The following TOR1B variants were observed in gnomAD, a reference collection of about 807,000 sequenced individuals.
The protein encoded by TOR1B is torsin-1B.
A neutral mutation model predicts 29.2 loss-of-function variants in TOR1B; 14 were observed. The observed-to-expected ratio is 0.48, with a 90% confidence interval of 0.32 to 0.75. The LOEUF (loss-of-function observed/expected upper bound fraction) is 0.75. Ranked by LOEUF, TOR1B falls within the 30% of genes least tolerant of loss-of-function variation. The pLI is 0.04. For synonymous variants in TOR1B, 166 were observed against 179.8 expected, an observed-to-expected ratio of 0.92 and a Z score of 0.62; for missense variants, 400 against 433.9, an observed-to-expected ratio of 0.92 and a Z score of 0.69.
chr9:129,804,377 G>T (rs774255451), intron 2 of TOR1B, 39 bp downstream of exon 2: 1 of 1,599,738 alleles, frequency 6.3e-7, no homozygotes, highest in East Asian at 2.2e-5. Context: ...CAGGCCAGTC[G>T]GACTGGTCCG....
rs1208291853 is a variant in TOR1B at position 129,809,738 on chromosome 9, C to T, written c.*155C>T. 1.3e-5 allele frequency: 18 copies of T among 1,436,120 alleles called. No homozygotes were observed. Among genetic ancestry groups the T allele is most frequent in the East Asian group, 2.5e-5 (1 of 39,730 alleles). The allele number at this position is 1,436,120 out of a possible 1,614,324, so 89.0% of individuals were successfully genotyped here. On this transcript the variant is annotated 3_prime_UTR_variant, in exon 5 of 5. Transcript: ENST00000259339. ...TTTTTTTTGAGAAGAGGTCTCACTC[C>T]GTCATCCAAGCTGGAGTGCAGTGGT...
chr9:129,810,113 C>A lies in TOR1B; in HGVS notation c.*530C>A. ...AAGCTACGGTCACAACTAAAGGAGT[C>A]CAGGGACTTGCTGCAGGCTGGGGGG... On this transcript the variant is annotated 3_prime_UTR_variant, in exon 5 of 5. Transcript: ENST00000259339. 8 of 1,295,750 alleles carry A rather than the reference C, an allele frequency of 6.2e-6. No homozygotes were observed. Among genetic ancestry groups the A allele is most frequent in the Non-Finnish European group, 8.1e-6 (8 of 983,022 alleles). 80.3% of individuals were successfully genotyped at this position (1,295,750 alleles called of 1,614,324 possible).
chr9:129,810,749 A>G lies in TOR1B; in HGVS notation c.*1166A>G, dbSNP rs979434602. Reference sequence around the variant, plus strand: ...CTTGATGATCTTAAATGATGGAAGTATAGGACGTTGCTTATTTTAAAACAA... The same window carrying G: ...CTTGATGATCTTAAATGATGGAAGTGTAGGACGTTGCTTATTTTAAAACAA... On this transcript the variant is annotated 3_prime_UTR_variant, in exon 5 of 5. Transcript: ENST00000259339. 1 of 154,254 alleles carries G rather than the reference A, an allele frequency of 6.5e-6. No homozygotes were observed. The highest frequency in any genetic ancestry group is 6.4e-5 in the Admixed American group (1 of 15,626). The allele number at this position is 154,254 out of a possible 1,614,324, so 9.6% of individuals were successfully genotyped here. A position where few individuals can be genotyped will look rare whatever the true frequency, so the allele number is the denominator to read the frequency against.
Position 129,803,237 on chromosome 9 carries a change from G to C in TOR1B, c.25G>C (p.Gly9Arg), listed in dbSNP as rs774779742. The C allele has an allele frequency of 6.5e-7, 1 of 1,538,854 alleles. No homozygotes were observed. The highest frequency in any genetic ancestry group is 8.7e-7 in the Non-Finnish European group (1 of 1,150,266). The change falls in exon 1 of 5, where the codon GGC becomes CGC. Residue 9 changes from glycine to arginine, a missense_variant. Coordinates refer to ENST00000259339, the MANE Select transcript of TOR1B (RefSeq NM_014506.3). MLRAGWLR[G>R]AAALALLLAA... ...GATGTTGCGGGCTGGGTGGCTCCGG[G>C]GCGCGGCGGCGCTGGCGCTGCTGCT...
At chr9:129,808,836 G>A (rs995459636) in intron 3 of TOR1B, 69 bp from the exon 4 acceptor site, 1 of 1,590,842 alleles carries the variant, frequency 6.3e-7, no homozygotes, top group Non-Finnish European at 8.6e-7. Context: ...ACAGGCATGA[G>A]CCACCACACC....
rs747153950 is a variant in TOR1B, at chr9:129,809,488, A to G, written c.916A>G (p.Arg306Gly). Residue 306 changes from arginine to glycine, a missense_variant, in exon 5 of 5, where the codon AGA becomes GGA. By Grantham distance (125) the Arg-to-Gly change is moderately radical (BLOSUM62 -2). Transcript: ENST00000259339. ...GSAIDEDIVT[R>G]VAEEMTFFPR... ...TGCCATAGATGAAGACATTGTCACA[A>G]GAGTGGCAGAGGAAATGACGTTTTT... The G allele has an allele frequency of 1.9e-6, 3 of 1,614,102 alleles. No homozygotes were observed. Among genetic ancestry groups the G allele is most frequent in the East Asian group, 4.5e-5 (2 of 44,902 alleles).
chr9:129,807,215 A>C lies in TOR1B; in HGVS notation c.493A>C (p.Asn165His), dbSNP rs768046240. Reference sequence around the variant, plus strand: ...CCAGTTACAGAAGTGGATCCGCGGTAATGTGAGTGCATGTGCGAACTCTGT... The same window carrying C: ...CCAGTTACAGAAGTGGATCCGCGGTCATGTGAGTGCATGTGCGAACTCTGT... ...QDQLQKWIRG[N>H]VSACANSVFI... The change falls in exon 3 of 5, where the codon AAT becomes CAT. Residue 165 changes from asparagine to histidine, a missense_variant. Coordinates refer to ENST00000259339, the MANE Select transcript of TOR1B (RefSeq NM_014506.3). 11 of 1,614,116 alleles carry C rather than the reference A, an allele frequency of 6.8e-6. No homozygotes were observed. Among genetic ancestry groups the C allele is most frequent in the Non-Finnish European group, 8.5e-6 (10 of 1,180,022 alleles).
rs1269366268 is a variant in TOR1B at position 129,808,948 on chromosome 9, T to C, written c.685T>C (p.Trp229Arg). Residue 229 changes from tryptophan (W) to arginine (R), a missense_variant, in exon 4 of 5, where the codon TGG becomes CGG. Physicochemically the swap from Trp to Arg is moderately radical, Grantham distance 101 (BLOSUM62 -3). Coordinates refer to ENST00000259339, the MANE Select transcript of TOR1B (RefSeq NM_014506.3). ...TATAACTAAGACGGCTCTTGACTTTTGGCGGGCCGGAAGAAAGAGGGAAGA... is the reference window on the plus strand; with the variant it reads ...TATAACTAAGACGGCTCTTGACTTTCGGCGGGCCGGAAGAAAGAGGGAAGA... Reference protein sequence around the residue: ...DLITKTALDFWRAGRKREDIQ... With the variant: ...DLITKTALDFRRAGRKREDIQ... 1.2e-6 allele frequency: 2 copies of C among 1,614,094 alleles called. No individual in the cohort carries two copies. Among genetic ancestry groups the C allele is most frequent in the Non-Finnish European group, 1.7e-6 (2 of 1,180,008 alleles).
chr9:129,803,880 C>T (rs1392278025), intron 1 of TOR1B, among the ~76,000 whole-genome samples, 193 bp from the exon 2 acceptor site: 2 of 152,126 alleles, frequency 1.3e-5, no homozygotes, highest in Admixed American at 6.5e-5. Context: ...CTTATCAGAC[C>T]CCGAAGCGTT....
chr9:129,807,128 G>A (rs1401304454), intron 2 of TOR1B, 60 bp from the exon 3 acceptor site: 12 of 1,561,800 alleles, frequency 7.7e-6, no homozygotes, highest in African/African-American at 5.4e-5. Context: ...TGGAGCCTGC[G>A]CGCCTCTTGG....
In TOR1B at chr9:129,808,854, C is replaced by T. The variant is rs113375757; in HGVS notation, c.642-51C>T. The stretch of plus-strand genomic sequence containing the variant: ...GGCATGAGCCACCACACCCAGCAGA[C>T]ACAGAAGTCTTAATATGTGATTTTA... On this transcript the variant is annotated intron_variant, in intron 3 of 4. Coordinates refer to ENST00000259339, the MANE Select transcript of TOR1B (RefSeq NM_014506.3). 25 of 1,605,958 alleles carry T rather than the reference C, an allele frequency of 1.6e-5. 1 individual carries two copies. The African/African-American group carries it at 2.0e-4, about 13-fold the overall frequency.
At chr9:129,806,722 C>G (rs1461512579) in intron 2 of TOR1B, among the ~76,000 whole-genome samples, 1 of 152,088 alleles carries the variant, frequency 6.6e-6, no homozygotes, top group Non-Finnish European at 1.5e-5. Context: ...ACTAAAAATA[C>G]AAAAATTAGC....
At position 129,804,228 on chromosome 9, in the gene TOR1B, A is replaced by T. The variant is rs1304067182; in HGVS notation, c.355A>T (p.Ser119Cys). Residue 119 changes from serine (S) to cysteine (C), a missense_variant, in exon 2 of 5, where the codon AGT becomes TGT. Physicochemically the swap from Ser to Cys is moderately radical, Grantham distance 112 (BLOSUM62 -1). Transcript: ENST00000259339. The part of the protein sequence containing the change: ...GWAGTGKNFV[S>C]QIVAENLHPK... ...GGCTGGCACAGGCAAGAATTTTGTC[A>T]GTCAAATTGTGGCTGAAAATCTTCA... 1 of 1,614,246 alleles carries T rather than the reference A, an allele frequency of 6.2e-7. No individual in the cohort carries two copies. Among genetic ancestry groups the T allele is most frequent in the African/African-American group, 1.3e-5 (1 of 75,064 alleles).
chr9:129,808,918 G>C lies in TOR1B; in HGVS notation c.655G>C (p.Asp219His), dbSNP rs532879681. ...IFIFLSNAGG[D>H]LITKTALDFW... ...TGGCAAACTCAGCAATGCAGGCGGG[G>C]ACCTTATAACTAAGACGGCTCTTGA... Residue 219 changes from aspartate (D) to histidine (H), a missense_variant, in exon 4 of 5, where the codon GAC becomes CAC. Transcript: ENST00000259339. 11 of 1,613,402 alleles carry C rather than the reference G, an allele frequency of 6.8e-6. No individual in the cohort carries two copies. The South Asian group carries it at 1.2e-4, about 18-fold the overall frequency.
In TOR1B at chr9:129,809,364, G is replaced by A; in HGVS notation, c.792G>A (p.Leu264=). 6.2e-7 allele frequency: 1 copy of A among 1,614,196 alleles called. No homozygotes were observed. The highest frequency in any genetic ancestry group is 8.5e-7 in the Non-Finnish European group (1 of 1,180,040). ...NKHSGLWHSG[L]IDKNLIDYFI... is the part of the protein sequence containing the mutation. ...CAGGTGGCCTGTGGCACAGTGGACT[G>A]ATCGACAAAAACCTCATTGATTACT... Residue 264 remains leucine (L), a synonymous_variant, in exon 5 of 5, where the codon CTG becomes CTA. Coordinates refer to ENST00000259339, the MANE Select transcript of TOR1B (RefSeq NM_014506.3).
In TOR1B at chr9:129,809,665, G is replaced by A. The variant is rs753428077; in HGVS notation, c.*82G>A. 65 of 1,572,670 alleles carry A rather than the reference G, an allele frequency of 4.1e-5. No individual in the cohort carries two copies. Among genetic ancestry groups the A allele is most frequent in the African/African-American group, 8.2e-5 (6 of 73,232 alleles). On this transcript the variant is annotated 3_prime_UTR_variant, in exon 5 of 5. Coordinates refer to ENST00000259339, the MANE Select transcript of TOR1B (RefSeq NM_014506.3). Reference sequence around the variant, plus strand: ...GCCTTTCAGAAGAACCCTGAAGACCGCTTTGGGGTTTTGCCTGTTTGCACC... The same window carrying A: ...GCCTTTCAGAAGAACCCTGAAGACCACTTTGGGGTTTTGCCTGTTTGCACC...
At position 129,809,788 on chromosome 9, in the gene TOR1B, C is replaced by G; in HGVS notation, c.*205C>G. ...TGCAATCCTCAACTCACTGCAACCT[C>G]CGCTCCCGGTTTGAGTGATTCTCAT... On this transcript the variant is annotated 3_prime_UTR_variant, in exon 5 of 5. Coordinates refer to ENST00000259339, the MANE Select transcript of TOR1B (RefSeq NM_014506.3). 2 of 1,403,178 alleles carry G rather than the reference C, an allele frequency of 1.4e-6. No individual in the cohort carries two copies. The highest frequency in any genetic ancestry group is 1.9e-6 in the Non-Finnish European group (2 of 1,080,200). The allele number at this position is 1,403,178 out of a possible 1,614,324, so 86.9% of individuals were successfully genotyped here.
Position 129,803,424 on chromosome 9 carries a change from C to G in TOR1B, c.199+13C>G, listed in dbSNP as rs770216432. ...CTCAACGCTTCGGGTACGGCGCGCG[C>G]GCGAGCTGTGGGTCGGCGCTGCGGG... On this transcript the variant is annotated intron_variant, in intron 1 of 4. Transcript: ENST00000259339. 2.7e-6 allele frequency: 4 copies of G among 1,500,488 alleles called. No individual in the cohort carries two copies. The allele number at this position is 1,500,488 out of a possible 1,614,324, so 92.9% of individuals were successfully genotyped here. A position where few individuals can be genotyped will look rare whatever the true frequency, so the allele number is the denominator to read the frequency against.
chr9:129,803,509 C>A, intron 1 of TOR1B, 98 bp downstream of exon 1: 1 of 1,212,952 alleles, frequency 8.2e-7, no homozygotes, highest in South Asian at 3.3e-5. Context: ...ACGGACCGGG[C>A]CCGTGGCATC....
Sources: gnomAD v4.1 joint callset for allele counts (sites outside exome capture counted in the v4.1 genomes callset) on GRCh38, gnomAD v4.1.1 for gene constraint, MANE v1.5 for transcripts, NCBI Gene and HGNC (gene_info 2026-07-23, HGNC 2026-07-21) for gene names.